Variants in USF2 observed in about 807,000 individuals in gnomAD.
USF2 encodes upstream transcription factor 2, c-fos interacting, also known as upstream stimulatory factor 2.
USF2 carries 16 observed loss-of-function variants against 46.9 expected under a neutral mutation model. That is an observed-to-expected ratio of 0.34 (90% CI 0.23 to 0.52). The LOEUF is 0.52. Ranked by LOEUF, USF2 falls within the 20% of genes least tolerant of loss-of-function variation. The pLI is 0.96. For synonymous variants in USF2, 239 were observed against 194.1 expected (o/e 1.23, Z -1.92); for missense variants, 411 against 474.0 (o/e 0.87, Z 1.23).
In USF2 at chr19:35,269,845, G is replaced by A; in HGVS notation, c.271G>A (p.Gly91Ser). The A allele has an allele frequency of 6.9e-7, 1 of 1,441,086 alleles. No homozygotes were observed. The highest frequency in any genetic ancestry group is 9.0e-7 in the Non-Finnish European group (1 of 1,106,246). The allele number at this position is 1,441,086 out of a possible 1,614,324, so 89.3% of individuals were successfully genotyped here. A position where few individuals can be genotyped will look rare whatever the true frequency, so the allele number is the denominator to read the frequency against. Residue 91 changes from glycine (G) to serine (S), a missense_variant, in exon 4 of 10, where the codon GGC becomes AGC. Around this residue, in one of 2 missense-constraint regions of USF2, gnomAD observed 318 missense variants for 322.4 expected, o/e 0.99. Transcript: ENST00000222305. The part of the protein sequence containing the change: ...VVQVTDGQLD[G>S]QGDTAGAVSV... ...CCAGGTGACTGATGGTCAGCTGGACGGCCAGGGCGACACAGCTGGCGCCGT... is the reference window on the plus strand; with the variant it reads ...CCAGGTGACTGATGGTCAGCTGGACAGCCAGGGCGACACAGCTGGCGCCGT...
Position 35,271,178 on chromosome 19 carries a change from C to T in USF2, c.727+37C>T, listed in dbSNP as rs759396783. 3.7e-6 allele frequency: 6 copies of T among 1,612,974 alleles called. No individual in the cohort carries two copies. The East Asian group carries it at 1.3e-4, about 36-fold the overall frequency. On this transcript the variant is annotated intron_variant, in intron 7 of 9. Coordinates refer to ENST00000222305, the MANE Select transcript of USF2 (RefSeq NM_003367.4). ...GTGTGGCTCCGGGTCCCCCTGACCA[C>T]CACCCTCACAGGCTCAGCCAGCCCT...
chr19:35,271,214 G>A, intron 7 of USF2, 73 bp downstream of exon 7: 1 of 1,579,752 alleles, frequency 6.3e-7, no homozygotes, highest in South Asian at 1.1e-5. Flanking sequence ...GGAGTGTGGA[G>A]TGACAGAGAG....
intron 6 of USF2, 50 bp downstream of exon 6, chr19:35,270,855 G>C: frequency 6.2e-7 from 1 of 1,608,116 alleles, no homozygotes; most frequent in Non-Finnish European, 8.5e-7. Flanking sequence ...GGAAGGAAGA[G>C]GGGTTTCTGG....
intron 7 of USF2, among the ~76,000 whole-genome samples, chr19:35,274,107 A>C: frequency 2.0e-5 from 3 of 151,796 alleles, no homozygotes; most frequent in Non-Finnish European, 2.9e-5. Flanking sequence ...TTTCACTGCA[A>C]CTCCAGCCCC....
chr19:35,270,377 C>A, intron 4 of USF2, 70 bp from the exon 5 acceptor site: 1 of 1,560,158 alleles, frequency 6.4e-7, no homozygotes, highest in Non-Finnish European at 8.7e-7. Context: ...AAACCCCAAG[C>A]ACAGCAATGA....
chr19:35,279,401 A>C lies in USF2; in HGVS notation c.*145A>C. On this transcript the variant is annotated 3_prime_UTR_variant, in exon 10 of 10. Transcript: ENST00000222305. ...TTTTAACAAAAAACGGGGAGAAATA[A>C]TGCATTTCTGTGGATACAGTGCCCA... is the stretch of plus-strand genomic sequence containing the variant. 2.2e-6 allele frequency: 2 copies of C among 910,626 alleles called. No individual in the cohort carries two copies. The highest frequency in any genetic ancestry group is 3.1e-6 in the Non-Finnish European group (2 of 640,440). The allele number at this position is 910,626 out of a possible 1,614,324, so 56.4% of individuals were successfully genotyped here.
intron 4 of USF2, 182 bp downstream of exon 4, chr19:35,270,185 A>ATT: frequency 1.1e-6 from 1 of 939,130 alleles, no homozygotes; most frequent in Non-Finnish European, 1.5e-6. Flanking sequence ...TGCTCTTGGA[A>ATT]TTTTTTTTTC....
chr19:35,279,200 C>T lies in USF2; in HGVS notation c.985C>T (p.Arg329Ter). Residue 329 changes from arginine to a stop codon, truncating the protein, a stop_gained, in exon 10 of 10, where the codon CGA becomes TGA. Transcript: ENST00000222305. LOFTEE classifies it high-confidence loss of function. ...EELKNENALL[R>*]AQLQQHNLEM... Reference sequence around the variant, plus strand: ...GCTGAAGAATGAGAACGCCCTGCTTCGAGCCCAGCTGCAGCAGCACAACCT... The same window carrying T: ...GCTGAAGAATGAGAACGCCCTGCTTTGAGCCCAGCTGCAGCAGCACAACCT... The T allele has an allele frequency of 1.9e-6, 3 of 1,598,940 alleles. No homozygotes were observed. The highest frequency in any genetic ancestry group is 2.3e-5 in the East Asian group (1 of 44,112).
rs1290368087 is a variant in USF2 at position 35,269,132 on chromosome 19, G to A, written c.31G>A (p.Ala11Thr). The A allele has an allele frequency of 2.4e-6, 2 of 819,632 alleles. No individual in the cohort carries two copies. Among genetic ancestry groups the A allele is most frequent in the Non-Finnish European group, 2.9e-6 (2 of 679,800 alleles). The allele number at this position is 819,632 out of a possible 1,614,324, so 50.8% of individuals were successfully genotyped here. Residue 11 changes from alanine to threonine, a missense_variant, in exon 1 of 10, where the codon GCT becomes ACT. By Grantham distance (58) the Ala-to-Thr change is moderately conservative. Transcript: ENST00000222305. MDMLDPGLDP[A>T]ASATAAAAAS... is the part of the protein sequence containing the mutation. ...CATGCTGGACCCGGGTCTGGATCCCGCTGCCTCGGCCACCGCTGCTGCCGC... is the reference window on the plus strand; with the variant it reads ...CATGCTGGACCCGGGTCTGGATCCCACTGCCTCGGCCACCGCTGCTGCCGC...
chr19:35,274,660 A>G (rs2066207237), intron 7 of USF2, among the ~76,000 whole-genome samples: 1 of 152,240 alleles, frequency 6.6e-6, no homozygotes, highest in Non-Finnish European at 1.5e-5. Context: ...AAAATTAGCC[A>G]GGCCTGGTGG....
intron 7 of USF2, chr19:35,275,014 A>C (rs1599630277): frequency 6.6e-6 from 1 of 151,154 alleles, no homozygotes; most frequent in Admixed American, 6.6e-5. Flanking sequence ...ATTGATTTCT[A>C]CTCTTAATGT....
chr19:35,270,355 A>G, intron 4 of USF2, 92 bp from the exon 5 acceptor site: 1 of 1,525,148 alleles, frequency 6.6e-7, no homozygotes, highest in Non-Finnish European at 8.8e-7. Flanking sequence ...TGTTAATTGC[A>G]GAGAATGCAG....
intron 7 of USF2, among the ~76,000 whole-genome samples, chr19:35,274,463 G>A (rs2066204042): frequency 6.6e-6 from 1 of 152,190 alleles, no homozygotes; most frequent in South Asian, 2.1e-4. Context: ...ATGCCTGCAG[G>A]GGCCTGAGGG....
In USF2 at chr19:35,270,956, T is replaced by C; in HGVS notation, c.669-127T>C. The C allele has an allele frequency of 2.1e-6, 3 of 1,439,402 alleles. No homozygotes were observed. In the South Asian group the frequency reaches 3.5e-5, roughly 17 times the overall value. 89.2% of individuals were successfully genotyped at this position (1,439,402 alleles called of 1,614,324 possible). Reference sequence around the variant, plus strand: ...CTGCTGCTCTAGTGCACATAAAGTATCATGTCTTTTGTTTTTGCAGATGGA... The same window carrying C: ...CTGCTGCTCTAGTGCACATAAAGTACCATGTCTTTTGTTTTTGCAGATGGA... On this transcript the variant is annotated intron_variant, in intron 6 of 9. Coordinates refer to ENST00000222305, the MANE Select transcript of USF2 (RefSeq NM_003367.4).
In USF2 at chr19:35,269,193, CGCCCCGGCCCCG is replaced by C. The variant is rs749270619; in HGVS notation, c.62+43_62+54del. 4.9e-4 allele frequency: 482 copies of C among 987,508 alleles called. 3 individuals carry two copies. Among genetic ancestry groups the C allele is most frequent in the Admixed American group, 4.9e-3 (77 of 15,788 alleles). The allele number at this position is 987,508 out of a possible 1,614,324, so 61.2% of individuals were successfully genotyped here. A position where few individuals can be genotyped will look rare whatever the true frequency, so the allele number is the denominator to read the frequency against. ...GATCCCCGGCCCGGCCGTGCCCCCG[CGCCCCGGCCCCG>C]GCCCCGGCCCCGCGGCCTGCAGGCC... On this transcript the variant is annotated intron_variant, in intron 1 of 9. Coordinates refer to ENST00000222305, the MANE Select transcript of USF2 (RefSeq NM_003367.4).
chr19:35,271,328 G>A (rs190412382), intron 7 of USF2, among the ~76,000 whole-genome samples, 187 bp downstream of exon 7: 219 of 152,356 alleles, frequency 1.4e-3, no homozygotes, highest in African/African-American at 5.2e-3. Context: ...CAGAAGTAGA[G>A]GGACAGGGAG....
intron 7 of USF2, chr19:35,278,470 C>T (rs1255015721): frequency 2.0e-6 from 1 of 509,180 alleles, no homozygotes; most frequent in Non-Finnish European, 3.5e-6. Flanking sequence ...TGATGCCCGT[C>T]CTAAAAGCAT....
rs371985050 is a variant in USF2, at chr19:35,270,825, G to A, written c.668+20G>A. The A allele has an allele frequency of 7.4e-5, 119 of 1,613,948 alleles. No individual in the cohort carries two copies. Among genetic ancestry groups the A allele is most frequent in the Middle Eastern group, 6.6e-4 (4 of 6,060 alleles). ...CTCTCCGTATGTGCAGGGGACACCT[G>A]GAGGGCCTGGTGTTGAAATGGAAGG... is the stretch of plus-strand genomic sequence containing the variant. On this transcript the variant is annotated intron_variant, in intron 6 of 9. Transcript: ENST00000222305.
chr19:35,270,976 G>A (rs1490667821), intron 6 of USF2, 107 bp from the exon 7 acceptor site: 7 of 1,507,138 alleles, frequency 4.6e-6, no homozygotes, highest in African/African-American at 1.4e-5. Flanking sequence ...TGTTTTTGCA[G>A]ATGGATTTAC....
Sources: allele counts gnomAD v4.1 joint callset (sites outside exome capture counted in the v4.1 genomes callset), GRCh38; gene constraint gnomAD v4.1.1; regional missense constraint gnomAD v4.1.1; transcripts MANE v1.5; gene names NCBI Gene and HGNC (gene_info 2026-07-23, HGNC 2026-07-21).